MIPOL1: variants seen among roughly 807,000 people sequenced by gnomAD.
MIPOL1 encodes mirror-image polydactyly 1, also known as mirror-image polydactyly gene 1 protein.
In MIPOL1, 57 loss-of-function variants were observed where a neutral mutation model predicts 60.9. The observed-to-expected ratio is 0.94, with a 90% confidence interval of 0.76 to 1.17. The LOEUF (loss-of-function observed/expected upper bound fraction) is 1.17, where lower values mean the gene tolerates loss of function less well. Ranked by LOEUF, MIPOL1 falls within the 50% of genes most tolerant of loss-of-function variation. The pLI is 0.00. For missense variants in MIPOL1, 551 were observed against 511.6 expected, an observed-to-expected ratio of 1.08 and a Z score of -0.74; for synonymous variants, 179 against 168.8, an observed-to-expected ratio of 1.06 and a Z score of -0.47.
At chr14:37,242,506 A>G (rs1333360465) in intron 1 of MIPOL1, among the ~76,000 whole-genome samples, 2 of 152,142 alleles carry the variant, frequency 1.3e-5, no homozygotes, top group Admixed American at 6.5e-5. Context: ...TAGTATACAC[A>G]TAGTATATAT....
chr14:37,307,367 A>AG (rs1402840685), intron 7 of MIPOL1, among the ~76,000 whole-genome samples: 5 of 151,920 alleles, frequency 3.3e-5, no homozygotes, highest in Non-Finnish European at 7.4e-5. Flanking sequence ...CTTTACCTTT[A>AG]CTGCATTTCT....
intron 3 of MIPOL1, among the ~76,000 whole-genome samples, chr14:37,264,826 AGCTT>A (rs1004851254): frequency 5.9e-5 from 9 of 152,174 alleles, no homozygotes; most frequent in African/African-American, 2.2e-4. Context: ...TTTCTCATTT[AGCTT>A]GCTTCTGCAG....
intron 11 of MIPOL1, among the ~76,000 whole-genome samples, chr14:37,452,636 A>C (rs1021401069): frequency 6.6e-6 from 1 of 152,206 alleles, no homozygotes; most frequent in African/African-American, 2.4e-5. Context: ...CTGTTCTCAT[A>C]GTTGTTATCT....
intron 1 of MIPOL1, among the ~76,000 whole-genome samples, chr14:37,223,264 C>CT (rs1336100698): frequency 6.6e-6 from 1 of 152,056 alleles, no homozygotes; most frequent in Non-Finnish European, 1.5e-5. Flanking sequence ...AACTCCTGAC[C>CT]TTGAGAGATC....
At chr14:37,342,504 T>C (rs1371632829) in intron 9 of MIPOL1, among the ~76,000 whole-genome samples, 1 of 151,626 alleles carries the variant, frequency 6.6e-6, no homozygotes, top group Non-Finnish European at 1.5e-5. Context: ...TTCAAGAGGT[T>C]CTCCTGCCTC....
intron 9 of MIPOL1, among the ~76,000 whole-genome samples, chr14:37,314,040 C>G (rs780343880): frequency 2.6e-5 from 4 of 152,140 alleles, no homozygotes; most frequent in Non-Finnish European, 4.4e-5. Flanking sequence ...CTGAACTCAT[C>G]ACTATTTTCT....
intron 1 of MIPOL1, among the ~76,000 whole-genome samples, chr14:37,201,491 A>T (rs928877638): frequency 1.3e-5 from 2 of 152,192 alleles, no homozygotes; most frequent in Non-Finnish European, 1.5e-5. Context: ...TTTTGAGTAA[A>T]AATATGTAAA....
chr14:37,415,331 C>A lies in MIPOL1; in HGVS notation c.937-7524C>A, dbSNP rs188714312. Among the ~76,000 whole-genome samples the A allele has an allele frequency of 2.6e-5, 4 of 151,964 alleles. No individual in the cohort carries two copies. In the East Asian group the frequency reaches 7.8e-4, roughly 30 times the overall value. On this transcript the variant is annotated intron_variant, in intron 10 of 12. Coordinates refer to ENST00000684589, the MANE Select transcript of MIPOL1 (RefSeq NM_001388067.1). ...AATATAATTCACTGATAAAAATTAG[C>A]ACAGATTTTGGCCGGGCATGGTGGC...
intron 9 of MIPOL1, among the ~76,000 whole-genome samples, chr14:37,344,037 A>G (rs747195690): frequency 3.4e-4 from 51 of 152,232 alleles, no homozygotes; most frequent in African/African-American, 1.2e-3. Flanking sequence ...CTTTTCATCT[A>G]TAGCTTTTAT....
At chr14:37,397,384 T>TGGTGGGGGG (rs2093393207) in intron 10 of MIPOL1, among the ~76,000 whole-genome samples, 1 of 142,492 alleles carries the variant, frequency 7.0e-6, no homozygotes, top group African/African-American at 2.7e-5. Context: ...GTGGTGGGAG[T>TGGTGGGGGG]GGGGAGGGGG....
rs1266175260 is a variant in MIPOL1 at position 37,549,914 on chromosome 14, A to C, written c.*2943A>C. The C allele has an allele frequency of 6.6e-6, 1 of 151,952 alleles. No individual in the cohort carries two copies. The highest frequency in any genetic ancestry group is 1.5e-5 in the Non-Finnish European group (1 of 67,850). 9.4% of individuals were successfully genotyped at this position (151,952 alleles called of 1,614,324 possible). Reference sequence around the variant, plus strand: ...CTAAAACCTATCAGCTTAGTTTTTTAACATGGTAGTCTAAACTTCAAGGCT... The same window carrying C: ...CTAAAACCTATCAGCTTAGTTTTTTCACATGGTAGTCTAAACTTCAAGGCT... On this transcript the variant is annotated 3_prime_UTR_variant, in exon 13 of 13. Transcript: ENST00000684589.
At chr14:37,395,492 TTTTA>T (rs1017900782) in intron 10 of MIPOL1, among the ~76,000 whole-genome samples, 18 of 152,238 alleles carry the variant, frequency 1.2e-4, no homozygotes, top group Non-Finnish European at 2.5e-4. Context: ...TTCCTAAATA[TTTTA>T]TTTATTTATT....
intron 7 of MIPOL1, among the ~76,000 whole-genome samples, chr14:37,286,694 G>GT (rs1240380540): frequency 1.3e-5 from 2 of 151,820 alleles, no homozygotes; most frequent in East Asian, 3.9e-4. Context: ...GGTAATATTT[G>GT]TTTTTTGTTT....
At chr14:37,466,961 T>C (rs1336282373) in intron 11 of MIPOL1, among the ~76,000 whole-genome samples, 1 of 152,222 alleles carries the variant, frequency 6.6e-6, no homozygotes, top group Non-Finnish European at 1.5e-5. Context: ...ATGGCTCACA[T>C]AAATTTTAAA....
intron 10 of MIPOL1, among the ~76,000 whole-genome samples, chr14:37,383,648 G>A (rs2092987912): frequency 6.6e-6 from 1 of 151,772 alleles, no homozygotes; most frequent in Non-Finnish European, 1.5e-5. Context: ...TTTCAGATAA[G>A]TACTTTACTT....
intron 1 of MIPOL1, among the ~76,000 whole-genome samples, chr14:37,219,362 A>T (rs960642168): frequency 6.6e-6 from 1 of 152,078 alleles, no homozygotes; most frequent in Non-Finnish European, 1.5e-5. Flanking sequence ...GATCCTTTTT[A>T]TTTATTTTTT....
At chr14:37,446,399 G>A (rs1276401744) in intron 11 of MIPOL1, among the ~76,000 whole-genome samples, 1 of 152,058 alleles carries the variant, frequency 6.6e-6, no homozygotes, top group African/African-American at 2.4e-5. Context: ...AGTTAGAATG[G>A]CGATCATTAA....
At chr14:37,395,028 TC>T (rs768001826) in intron 10 of MIPOL1, among the ~76,000 whole-genome samples, 1 of 152,158 alleles carries the variant, frequency 6.6e-6, no homozygotes, top group Non-Finnish European at 1.5e-5. Flanking sequence ...GGGTGTCCTT[TC>T]CCCACTTTGT....
chr14:37,519,481 A>C (rs989360014), intron 12 of MIPOL1, among the ~76,000 whole-genome samples: 1 of 152,090 alleles, frequency 6.6e-6, no homozygotes, highest in African/African-American at 2.4e-5. Context: ...CTTATTTAAA[A>C]TTTTGATATT....
Sources: allele counts gnomAD v4.1 joint callset (sites outside exome capture counted in the v4.1 genomes callset), GRCh38; gene constraint gnomAD v4.1.1; transcripts MANE v1.5; gene names NCBI Gene and HGNC (gene_info 2026-07-23, HGNC 2026-07-21).